SCAF8: variants seen among roughly 807,000 people sequenced by gnomAD.
SCAF8 encodes the protein SR-related and CTD-associated factor 8.
SCAF8 carries 23 observed loss-of-function variants against 140.5 expected under a neutral mutation model. The observed-to-expected ratio is 0.16, with a 90% confidence interval of 0.12 to 0.23. SCAF8 has a LOEUF of 0.23. SCAF8 is among the 10% of genes least tolerant of loss of function. The pLI is 1.00. For missense variants in SCAF8, 1,397 were observed against 1,555.7 expected, an observed-to-expected ratio of 0.90 and a Z score of 1.72; for synonymous variants, 575 against 528.9, an observed-to-expected ratio of 1.09 and a Z score of -1.20.
intron 1 of SCAF8, among the ~76,000 whole-genome samples, chr6:154,750,925 A>G: frequency 6.6e-6 from 1 of 152,280 alleles, no homozygotes; most frequent in East Asian, 1.9e-4. Context: ...GTACTATATT[A>G]AAAGGTAACA....
At chr6:154,789,270 G>A (rs968619513) in intron 4 of SCAF8, among the ~76,000 whole-genome samples, 18 of 150,982 alleles carry the variant, frequency 1.2e-4, no homozygotes, top group African/African-American at 3.9e-4. Flanking sequence ...CACCACACTC[G>A]GCTAATTTTT....
At chr6:154,812,412 T>C (rs1171603025) in intron 12 of SCAF8, among the ~76,000 whole-genome samples, 1 of 151,954 alleles carries the variant, frequency 6.6e-6, no homozygotes, top group Admixed American at 6.6e-5. Context: ...ACATATCTTT[T>C]GTGTGCACTG....
chr6:154,751,539 T>G (rs1322359963), intron 1 of SCAF8, among the ~76,000 whole-genome samples: 1 of 152,144 alleles, frequency 6.6e-6, no homozygotes, highest in Non-Finnish European at 1.5e-5. Context: ...AAACTACGAA[T>G]TTTAGACCTG....
rs1399870305 is a variant in SCAF8, at chr6:154,833,202, G to T, written c.3623G>T (p.Gly1208Val). 3 of 1,614,072 alleles carry T rather than the reference G, an allele frequency of 1.9e-6. No individual in the cohort carries two copies. The highest frequency in any genetic ancestry group is 2.5e-6 in the Non-Finnish European group (3 of 1,179,998). Residue 1208 changes from glycine (G) to valine (V), a missense_variant, in exon 20 of 20, where the codon GGT becomes GTT. This residue lies in a region of SCAF8 where 930 missense variants were observed against 874.6 expected (regional missense o/e 1.06). Transcript: ENST00000367178. ...GAAGGGGCCACTTCTCAACGAAAAG[G>T]TGATAATGTGCCTCAGGTTAATGGT... is the stretch of plus-strand genomic sequence containing the variant. The part of the protein sequence containing the change: ...YFEGATSQRK[G>V]DNVPQVNGEN...
Position 154,798,734 on chromosome 6 carries a change from A to C in SCAF8, c.607-3237A>C, listed in dbSNP as rs541847669. On this transcript the variant is annotated intron_variant, in intron 6 of 19. Coordinates refer to ENST00000367178, the MANE Select transcript of SCAF8 (RefSeq NM_014892.5). ...TGACCCTTTAAATACCTGAGAGTTC[A>C]TGCAACTCCTCTGCTCAGAATCCTC... Among the ~76,000 whole-genome samples, 5 of 151,322 alleles carry C rather than the reference A, an allele frequency of 3.3e-5. 1 individual carries two copies. The highest frequency in any genetic ancestry group is 7.4e-5 in the Non-Finnish European group (5 of 67,716).
At chr6:154,758,097 A>G (rs575645612) in intron 1 of SCAF8, among the ~76,000 whole-genome samples, 4 of 152,086 alleles carry the variant, frequency 2.6e-5, no homozygotes, top group Admixed American at 2.6e-4. Context: ...TTTTTGGTAA[A>G]GACAGGGTTT....
intron 3 of SCAF8, among the ~76,000 whole-genome samples, chr6:154,784,734 C>T (rs1403997219): frequency 6.6e-6 from 1 of 152,160 alleles, no homozygotes; most frequent in Non-Finnish European, 1.5e-5. Flanking sequence ...ATATAAGGGA[C>T]GTGAGCATCC....
At position 154,827,839 on chromosome 6, in the gene SCAF8, G is replaced by GC. The variant is rs932855754; in HGVS notation, c.2140+599_2140+600insC. Among the ~76,000 whole-genome samples, 11 of 150,630 alleles carry GC rather than the reference G, an allele frequency of 7.3e-5. 1 individual carries two copies. In the South Asian group the frequency reaches 8.6e-4, roughly 12 times the overall value. ...ACACCTTTTTTGGGGCGGGGCGGGG[G>GC]GGGGGGCGGTGTAAAACTTTATTTT... On this transcript the variant is annotated intron_variant, in intron 18 of 19. Coordinates refer to ENST00000367178, the MANE Select transcript of SCAF8 (RefSeq NM_014892.5).
intron 6 of SCAF8, among the ~76,000 whole-genome samples, chr6:154,797,976 T>G (rs867333402): frequency 2.6e-5 from 4 of 151,350 alleles, no homozygotes; most frequent in Non-Finnish European, 5.9e-5. Flanking sequence ...CTAAAATTTT[T>G]TAGAGTTTGG....
Position 154,792,890 on chromosome 6 carries a change from C to G in SCAF8, c.389C>G (p.Pro130Arg), listed in dbSNP as rs1214482974. Residue 130 changes from proline (P) to arginine (R), a missense_variant, in exon 5 of 20, where the codon CCC (proline) becomes CGC (arginine). Physicochemically the swap from Pro to Arg is moderately radical, Grantham distance 103. This residue lies in a region of SCAF8 where 43 missense variants were observed against 142.1 expected (regional missense o/e 0.30). Coordinates refer to ENST00000367178, the MANE Select transcript of SCAF8 (RefSeq NM_014892.5). ...NNVFKSEIIQ[P>R]LLDMAAGIPP... ...GTATTTAAGAGTGAGATTATTCAGC[C>G]CCTTTTGGATATGGCAGCCGGGATT... 6 of 1,613,220 alleles carry G rather than the reference C, an allele frequency of 3.7e-6. No individual in the cohort carries two copies. The highest frequency in any genetic ancestry group is 1.3e-5 in the African/African-American group (1 of 74,824).
chr6:154,760,839 A>G (rs111562639), intron 1 of SCAF8, among the ~76,000 whole-genome samples: 2,249 of 152,292 alleles, frequency 0.015, 57 homozygotes, highest in African/African-American at 0.05. Flanking sequence ...GCTGGAGTGC[A>G]GTGGCATGGT....
At chr6:154,785,859 A>G (rs1485226263) in intron 3 of SCAF8, among the ~76,000 whole-genome samples, 1 of 152,182 alleles carries the variant, frequency 6.6e-6, no homozygotes, top group East Asian at 1.9e-4. Context: ...TTCTCCCCCT[A>G]AAAAGGCTAT....
chr6:154,744,150 A>G (rs772001996), intron 1 of SCAF8, among the ~76,000 whole-genome samples: 17 of 152,180 alleles, frequency 1.1e-4, no homozygotes, highest in Non-Finnish European at 2.2e-4. Flanking sequence ...AAAATTAGCC[A>G]GGCGTGGTGG....
intron 6 of SCAF8, among the ~76,000 whole-genome samples, chr6:154,796,806 T>C (rs926426924): frequency 2.0e-5 from 3 of 152,086 alleles, no homozygotes; most frequent in African/African-American, 7.2e-5. Context: ...AACCTGTCTC[T>C]ACTAAAAACA....
At chr6:154,771,941 T>C (rs1776780643) in intron 1 of SCAF8, among the ~76,000 whole-genome samples, 1 of 152,232 alleles carries the variant, frequency 6.6e-6, no homozygotes, top group South Asian at 2.1e-4. Flanking sequence ...ATACCGCATG[T>C]ATTTAGACGT....
intron 11 of SCAF8, among the ~76,000 whole-genome samples, chr6:154,809,449 G>A (rs762481594): frequency 2.6e-5 from 4 of 152,026 alleles, no homozygotes; most frequent in Admixed American, 1.3e-4. Context: ...AACCCACCGC[G>A]TATCACTGAA....
chr6:154,793,909 G>GTGTGTGTA (rs1299784318), intron 5 of SCAF8, among the ~76,000 whole-genome samples: 1 of 151,124 alleles, frequency 6.6e-6, no homozygotes, highest in Non-Finnish European at 1.5e-5. Flanking sequence ...TTTTGTGTGT[G>GTGTGTGTA]TGTGTGTATG....
chr6:154,744,206 C>T (rs1023284745), intron 1 of SCAF8, among the ~76,000 whole-genome samples: 7 of 152,052 alleles, frequency 4.6e-5, no homozygotes, highest in African/African-American at 1.4e-4. Context: ...GGCAGGAAAT[C>T]GCTTGAACCG....
At chr6:154,790,739 T>C (rs1410176990) in intron 4 of SCAF8, among the ~76,000 whole-genome samples, 1 of 152,042 alleles carries the variant, frequency 6.6e-6, no homozygotes, top group African/African-American at 2.4e-5. Context: ...CTCGATCTCC[T>C]GACCTTGTGA....
Sources: allele counts gnomAD v4.1 joint callset (sites outside exome capture counted in the v4.1 genomes callset), GRCh38; gene constraint gnomAD v4.1.1; regional missense constraint gnomAD v4.1.1; transcripts MANE v1.5; gene names NCBI Gene and HGNC (gene_info 2026-07-23, HGNC 2026-07-21).